Variants in BAG6 observed in about 807,000 individuals in gnomAD.
BAG6 encodes BAG cochaperone 6, also known as large proline-rich protein BAG6.
In BAG6, 22 loss-of-function variants were observed where a neutral mutation model predicts 121.0. The observed-to-expected ratio is 0.18, with a 90% CI of 0.13 to 0.26. The LOEUF is 0.26. Ranked by LOEUF, BAG6 falls within the 10% of genes least tolerant of loss-of-function variation. BAG6 has a pLI of 1.00. For synonymous variants in BAG6, 583 were observed against 584.6 expected, an observed-to-expected ratio of 1.00 and a Z score of 0.04; for missense variants, 1,233 against 1,537.7, an observed-to-expected ratio of 0.80 and a Z score of 3.31.
At position 31,641,074 on chromosome 6, in the gene BAG6, G is replaced by C. The variant is rs548566493; in HGVS notation, c.2787+30C>G. Reference sequence around the variant, plus strand: ...GAATGGAAACCTCAGGAAACAAAAGGCTAAGGATCTGGGGCTAGGTGGTGC... The same window carrying C: ...GAATGGAAACCTCAGGAAACAAAAGCCTAAGGATCTGGGGCTAGGTGGTGC... On this transcript the variant is annotated intron_variant, in intron 20 of 25. Coordinates refer to ENST00000676615, the MANE Select transcript of BAG6 (RefSeq NM_001387994.1). This position sits in a 1 kb window ranked among gnomAD's most constrained non-coding sequence, Gnocchi z 5.7. 1.2e-6 allele frequency: 2 copies of C among 1,612,200 alleles called. No individual in the cohort carries two copies. The highest frequency in any genetic ancestry group is 1.7e-6 in the Non-Finnish European group (2 of 1,179,474).
rs780311988 is a variant in BAG6 at position 31,644,345 on chromosome 6, T to C, written c.1517A>G (p.His506Arg). ...FMHAVAHQIT[H>R]QAMVAAVASA... Reference sequence around the variant, plus strand: ...GGCAACAGCTGCCACCATGGCCTGATGAGTGATCTGGTGGGCGACGGCGTG... The same window carrying C: ...GGCAACAGCTGCCACCATGGCCTGACGAGTGATCTGGTGGGCGACGGCGTG... The change falls in exon 12 of 26, where the codon CAT (histidine) becomes CGT (arginine). Residue 506 changes from histidine (H) to arginine (R), a missense_variant. His to Arg is a conservative substitution (Grantham distance 29, BLOSUM62 0). Transcript: ENST00000676615. The surrounding 1 kb of genome is among the most constrained non-coding windows in gnomAD (Gnocchi z 4.9). 1.9e-6 allele frequency: 3 copies of C among 1,551,606 alleles called. No homozygotes were observed. Among genetic ancestry groups the C allele is most frequent in the Non-Finnish European group, 2.6e-6 (3 of 1,147,172 alleles).
chr6:31,649,092 C>T, intron 4 of BAG6, 107 bp downstream of exon 4: 1 of 1,508,424 alleles, frequency 6.6e-7, no homozygotes, highest in South Asian at 1.2e-5. Context: ...CACCACAGGG[C>T]CCCCTGAACC....
intron 6 of BAG6, among the ~76,000 whole-genome samples, chr6:31,648,410 T>G (rs1006748756): frequency 6.6e-6 from 1 of 152,116 alleles, no homozygotes; most frequent in Admixed American, 6.5e-5. Context: ...CTCCACAAGT[T>G]AAGAGAGTAG....
intron 2 of BAG6, among the ~76,000 whole-genome samples, chr6:31,650,259 A>C (rs188387754): frequency 5.3e-5 from 8 of 152,278 alleles, no homozygotes; most frequent in Admixed American, 4.6e-4. Flanking sequence ...TCCAAACACA[A>C]GATGATACCA....
chr6:31,639,837 C>T (rs1164307533), intron 24 of BAG6, 191 bp from the exon 25 acceptor site: 2 of 752,968 alleles, frequency 2.7e-6, no homozygotes, highest in African/African-American at 1.8e-5. Flanking sequence ...CTAGCCAAAA[C>T]TAAAGTGAAT....
chr6:31,641,482 G>A lies in BAG6; in HGVS notation c.2559+57C>T, dbSNP rs1782684801. ...AAGAATCATAAGACTGGGAGTGGAG[G>A]AGGCAGCTGCCTTGACCAGACCCAG... is the stretch of plus-strand genomic sequence containing the variant. On this transcript the variant is annotated intron_variant, in intron 18 of 25. Coordinates refer to ENST00000676615, the MANE Select transcript of BAG6 (RefSeq NM_001387994.1). This position sits in a 1 kb window ranked among gnomAD's most constrained non-coding sequence, Gnocchi z 5.7. 11 of 1,613,924 alleles carry A rather than the reference G, an allele frequency of 6.8e-6. No homozygotes were observed. The highest frequency in any genetic ancestry group is 2.2e-5 in the East Asian group (1 of 44,888).
rs1167435154 is a variant in BAG6 at position 31,642,333 on chromosome 6, A to G, written c.2114T>C (p.Met705Thr). Residue 705 changes from methionine to threonine, a missense_variant, in exon 16 of 26, where the codon ATG (methionine) becomes ACG (threonine). Physicochemically the swap from Met to Thr is moderately conservative, Grantham distance 81 (BLOSUM62 -1). Transcript: ENST00000676615. Reference protein sequence around the residue: ...PPPPAPEQQTMPPPGSPSGGA... With the variant: ...PPPPAPEQQTTPPPGSPSGGA... ...ACCAGAAGGGGAGCCTGGTGGGGGC[A>G]TGGTCTGCTGCTCTGGGGCAGGTGG... is the stretch of plus-strand genomic sequence containing the variant. The G allele has an allele frequency of 3.1e-6, 4 of 1,276,214 alleles. No individual in the cohort carries two copies. Among genetic ancestry groups the G allele is most frequent in the African/African-American group, 1.8e-5 (1 of 54,292 alleles). 79.1% of individuals were successfully genotyped at this position (1,276,214 alleles called of 1,614,324 possible).
In BAG6 at chr6:31,647,771, A is replaced by C. The variant is rs1791438154; in HGVS notation, c.608T>G (p.Val203Gly). 6.3e-7 allele frequency: 1 copy of C among 1,595,912 alleles called. No homozygotes were observed. Among genetic ancestry groups the C allele is most frequent in the East Asian group, 2.2e-5 (1 of 44,470 alleles). Residue 203 changes from valine (V) to glycine (G), a missense_variant, in exon 7 of 26, where the codon GTG becomes GGG. Physicochemically the swap from Val to Gly is moderately radical, Grantham distance 109 (BLOSUM62 -3). Coordinates refer to ENST00000676615, the MANE Select transcript of BAG6 (RefSeq NM_001387994.1). ...GCTCAAGGCTACTGGCTCCGGGGTC[A>C]CAGCCGGTGGCTGCGGGGGCGGCTG... ...HSQPPPQPPA[V>G]TPEPVALSSQ...
chr6:31,640,249 G>T lies in BAG6; in HGVS notation c.3196C>A (p.Pro1066Thr), dbSNP rs775399944. The change falls in exon 24 of 26, where the codon CCC (proline) becomes ACC (threonine). Residue 1066 changes from proline to threonine, a missense_variant. Transcript: ENST00000676615. The surrounding 1 kb of genome is among the most constrained non-coding windows in gnomAD (Gnocchi z 4.2). ...IQSQRKVKPQ[P>T]PLSDAYLSGM... ...CTGAGGTAGGCATCACTCAGAGGGGGCTGCGGTTTCACCTTCCGCTGGCTC... is the reference window on the plus strand; with the variant it reads ...CTGAGGTAGGCATCACTCAGAGGGGTCTGCGGTTTCACCTTCCGCTGGCTC... 5.0e-6 allele frequency: 8 copies of T among 1,614,220 alleles called. 1 individual carries two copies. The South Asian group carries it at 8.8e-5, about 18-fold the overall frequency.
chr6:31,643,721 CAAAAAA>C (rs9281540), intron 14 of BAG6, among the ~76,000 whole-genome samples, 163 bp downstream of exon 14: 6 of 66,292 alleles, frequency 9.1e-5, no homozygotes, highest in South Asian at 5.2e-4. Context: ...GACTCCATCT[CAAAAAA>C]AAAAAAAAAA....
rs1265088457 is a variant in BAG6, at chr6:31,644,629, C to T, written c.1370-27G>A. ...TGGGCAGGGAGACAGAGACAGTGGC[C>T]CTGAGGTAGGTAGGGCCAAGGCCTA... On this transcript the variant is annotated intron_variant, in intron 10 of 25. Transcript: ENST00000676615. This position sits in a 1 kb window ranked among gnomAD's most constrained non-coding sequence, Gnocchi z 4.9. 2 of 1,609,358 alleles carry T rather than the reference C, an allele frequency of 1.2e-6. No homozygotes were observed. The highest frequency in any genetic ancestry group is 1.3e-5 in the African/African-American group (1 of 74,794).
In BAG6 at chr6:31,640,831, G is replaced by T. The variant is rs1210324856; in HGVS notation, c.2895C>A (p.Ala965=). ...VLEHMPVGPD[A]ILRYVRRVGD... is the part of the protein sequence containing the mutation. ...CAACCCTGCGAACGTATCTGAGAAT[G>T]GCATCAGGGCCTACAGGCATGTGCT... Residue 965 remains alanine, a synonymous_variant, in exon 21 of 26, where the codon GCC becomes GCA. Coordinates refer to ENST00000676615, the MANE Select transcript of BAG6 (RefSeq NM_001387994.1). This position sits in a 1 kb window ranked among gnomAD's most constrained non-coding sequence, Gnocchi z 4.2. 1 of 1,612,706 alleles carries T rather than the reference G, an allele frequency of 6.2e-7. No homozygotes were observed. Among genetic ancestry groups the T allele is most frequent in the Non-Finnish European group, 8.5e-7 (1 of 1,180,032 alleles).
chr6:31,639,499 C>T lies in BAG6; in HGVS notation c.3393+1G>A. 1 of 1,612,778 alleles carries T rather than the reference C, an allele frequency of 6.2e-7. No homozygotes were observed. Among genetic ancestry groups the T allele is most frequent in the Non-Finnish European group, 8.5e-7 (1 of 1,179,100 alleles). ...ATCCCTATTCTGCTTCAAGGTGGCA[C>T]CTGCTGCCTGTAGCTCTCCTGAACC... On this transcript the variant is annotated splice_donor_variant, in intron 25 of 25. Coordinates refer to ENST00000676615, the MANE Select transcript of BAG6 (RefSeq NM_001387994.1). LOFTEE classifies it high-confidence loss of function.
rs371338269 is a variant in BAG6 at position 31,642,071 on chromosome 6, T to A, written c.2335+41A>T. 3 of 1,600,808 alleles carry A rather than the reference T, an allele frequency of 1.9e-6. No homozygotes were observed. The African/African-American group carries it at 4.0e-5, about 21-fold the overall frequency. On this transcript the variant is annotated intron_variant, in intron 16 of 25. Coordinates refer to ENST00000676615, the MANE Select transcript of BAG6 (RefSeq NM_001387994.1). ...CCAAGGCCATCTACATTCCTCTGGC[T>A]GCCCCTTCCTGGAGCAAGCCAAAGC... is the stretch of plus-strand genomic sequence containing the variant.
Position 31,640,385 on chromosome 6 carries a change from T to G in BAG6, c.3138A>C (p.Pro1046=), listed in dbSNP as rs1561875642. ...ETEPWAAAVP[P]EWVPIIQQDI... ...CACTGGATTACTTCCTGACACTTAC[T>G]GGGGGGACTGCAGCTGCCCAAGGTT... Residue 1046 remains proline (P), a splice_region_variant and synonymous_variant, in exon 23 of 26, where the codon CCA becomes CCC. Transcript: ENST00000676615. The surrounding 1 kb of genome is among the most constrained non-coding windows in gnomAD (Gnocchi z 4.2). The G allele has an allele frequency of 6.2e-7, 1 of 1,614,164 alleles. No homozygotes were observed. The highest frequency in any genetic ancestry group is 8.5e-7 in the Non-Finnish European group (1 of 1,180,030).
chr6:31,648,711 A>T lies in BAG6; in HGVS notation c.518T>A (p.Ile173Asn). 6.2e-7 allele frequency: 1 copy of T among 1,614,038 alleles called. No homozygotes were observed. Among genetic ancestry groups the T allele is most frequent in the Non-Finnish European group, 8.5e-7 (1 of 1,180,012 alleles). ...RVRLVMAQHMIRDIQTLLSRM... is the reference protein window; with the variant it reads ...RVRLVMAQHMNRDIQTLLSRM... ...GGATAGTAAGGTCTGTATATCCCTG[A>T]TCATGTGCTGAGCCATCACCAGCCG... is the stretch of plus-strand genomic sequence containing the variant. The change falls in exon 6 of 26, where the codon ATC becomes AAC. Residue 173 changes from isoleucine (I) to asparagine (N), a missense_variant. By Grantham distance (149) the Ile-to-Asn change is moderately radical (BLOSUM62 -3). Coordinates refer to ENST00000676615, the MANE Select transcript of BAG6 (RefSeq NM_001387994.1).
Position 31,640,162 on chromosome 6 carries a change from G to A in BAG6, c.3246+37C>T. 6.3e-7 allele frequency: 1 copy of A among 1,593,018 alleles called. No individual in the cohort carries two copies. The highest frequency in any genetic ancestry group is 1.1e-5 in the South Asian group (1 of 90,554). ...GATTCCAGGCATGACGGGGAAACCT[G>A]GATAGAGAGAGAGGCTTAGGGAAGA... On this transcript the variant is annotated intron_variant, in intron 24 of 25. Coordinates refer to ENST00000676615, the MANE Select transcript of BAG6 (RefSeq NM_001387994.1). This position sits in a 1 kb window ranked among gnomAD's most constrained non-coding sequence, Gnocchi z 4.2.
chr6:31,641,737 CAA>C lies in BAG6; in HGVS notation c.2505+37_2505+38del. 6.2e-7 allele frequency: 1 copy of C among 1,611,866 alleles called. No individual in the cohort carries two copies. The highest frequency in any genetic ancestry group is 1.1e-5 in the South Asian group (1 of 91,030). On this transcript the variant is annotated intron_variant, in intron 17 of 25. Transcript: ENST00000676615. The surrounding 1 kb of genome is among the most constrained non-coding windows in gnomAD (Gnocchi z 5.7). ...AGTCAGAAATAAGGAATAAAATGTG[CAA>C]AAGAGGAGAGTTCTGGGGCCCCTGG...
Position 31,642,265 on chromosome 6 carries a change from G to C in BAG6, c.2182C>G (p.Pro728Ala). 6.2e-7 allele frequency: 1 copy of C among 1,610,148 alleles called. No individual in the cohort carries two copies. The highest frequency in any genetic ancestry group is 8.5e-7 in the Non-Finnish European group (1 of 1,178,810). Residue 728 changes from proline (P) to alanine (A), a missense_variant, in exon 16 of 26, where the codon CCG (proline) becomes GCG (alanine). Coordinates refer to ENST00000676615, the MANE Select transcript of BAG6 (RefSeq NM_001387994.1). Reference protein sequence around the residue: ...PGGLGLESLSPEFFTSVVQGV... With the variant: ...PGGLGLESLSAEFFTSVVQGV... ...TGCACCACTGAGGTAAAAAACTCCG[G>C]TGACAGGCTCTCAAGACCCAGGCCT...
Sources: allele counts gnomAD v4.1 joint callset (sites outside exome capture counted in the v4.1 genomes callset), GRCh38; gene constraint gnomAD v4.1.1; non-coding constraint Gnocchi (gnomAD v3.1); transcripts MANE v1.5; gene names NCBI Gene and HGNC (gene_info 2026-07-23, HGNC 2026-07-21).